Variants in MCTP2 observed in about 807,000 individuals in gnomAD.
The protein encoded by MCTP2 is multiple C2 and transmembrane domain containing 2, also known as multiple C2 and transmembrane domain-containing protein 2.
A neutral mutation model predicts 111.6 loss-of-function variants in MCTP2; 132 were observed. The observed-to-expected ratio is 1.18, with a 90% CI of 1.03 to 1.37. The LOEUF (loss-of-function observed/expected upper bound fraction) is 1.37, where lower values mean the gene tolerates loss of function less well. Ranked by LOEUF, MCTP2 falls within the 40% of genes most tolerant of loss-of-function variation. The pLI is 0.00. For missense variants in MCTP2, 1,183 were observed against 1,067.9 expected (o/e 1.11, Z -1.50); for synonymous variants, 395 against 387.7 (o/e 1.02, Z -0.22).
intron 1 of MCTP2, among the ~76,000 whole-genome samples, chr15:94,255,470 G>A (rs981735447): frequency 5.7e-5 from 8 of 140,308 alleles, no homozygotes; most frequent in African/African-American, 1.9e-4. Flanking sequence ...TTTGACTTTC[G>A]TCATAGCACT....
chr15:94,312,697 C>A (rs2076201184), intron 2 of MCTP2, among the ~76,000 whole-genome samples: 1 of 152,096 alleles, frequency 6.6e-6, no homozygotes, highest in African/African-American at 2.4e-5. Context: ...AACCTTAGGG[C>A]CTCTTTGTCC....
intron 21 of MCTP2, among the ~76,000 whole-genome samples, chr15:94,472,490 G>A (rs1387669423): frequency 6.6e-6 from 1 of 152,162 alleles, no homozygotes; most frequent in Admixed American, 6.5e-5. Flanking sequence ...CTTGGCTTCT[G>A]ATCTTATCCT....
chr15:94,387,611 C>G (rs2080588225), intron 14 of MCTP2, among the ~76,000 whole-genome samples: 1 of 152,200 alleles, frequency 6.6e-6, no homozygotes, highest in Non-Finnish European at 1.5e-5. Flanking sequence ...CAAGTGTCCA[C>G]TTGGTGCCAG....
chr15:94,470,342 C>T lies in MCTP2; in HGVS notation c.2370C>T (p.Asn790=). ...SFGERIKNTF[N]WTVPFLSSLA... Reference sequence around the variant, plus strand: ...TGTGGTTTGTCTACAGCACATTTAACTGGACGGTCCCCTTCCTTTCATCTC... The same window carrying T: ...TGTGGTTTGTCTACAGCACATTTAATTGGACGGTCCCCTTCCTTTCATCTC... The change falls in exon 21 of 23, where the codon AAC becomes AAT. Residue 790 remains asparagine (N), a synonymous_variant. Transcript: ENST00000357742. The T allele has an allele frequency of 6.2e-7, 1 of 1,612,002 alleles. No homozygotes were observed. The highest frequency in any genetic ancestry group is 8.5e-7 in the Non-Finnish European group (1 of 1,178,102).
intron 1 of MCTP2, among the ~76,000 whole-genome samples, chr15:94,245,339 G>A (rs913013743): frequency 2.2e-5 from 3 of 133,704 alleles, no homozygotes; most frequent in African/African-American, 8.1e-5. Context: ...CATATGTGTA[G>A]ATATTTACAT....
Position 94,345,825 on chromosome 15 carries a change from A to G in MCTP2, c.1005+661A>G, listed in dbSNP as rs563721374. Among the ~76,000 whole-genome samples, 7 of 152,362 alleles carry G rather than the reference A, an allele frequency of 4.6e-5. No homozygotes were observed. The South Asian group carries it at 6.2e-4, about 14-fold the overall frequency. Reference sequence around the variant, plus strand: ...AAAGTATTTGTAACTTAATTTATAAATTAAGGAGAAATTATACTTTGTAAG... The same window carrying G: ...AAAGTATTTGTAACTTAATTTATAAGTTAAGGAGAAATTATACTTTGTAAG... On this transcript the variant is annotated intron_variant, in intron 8 of 22. Transcript: ENST00000357742.
rs566058503 is a variant in MCTP2 at position 94,415,775 on chromosome 15, T to G, written c.2085+13756T>G. On this transcript the variant is annotated intron_variant, in intron 17 of 22. Transcript: ENST00000357742. The stretch of plus-strand genomic sequence containing the variant: ...ACTTCAAATGATACACAGACACATT[T>G]GAAAAAAGATCTCCTCTCTGCATTG... Among the ~76,000 whole-genome samples the G allele has an allele frequency of 3.3e-5, 5 of 152,184 alleles. No homozygotes were observed. In the South Asian group the frequency reaches 1.0e-3, roughly 32 times the overall value.
intron 16 of MCTP2, among the ~76,000 whole-genome samples, chr15:94,400,906 A>T (rs2081553561): frequency 6.6e-6 from 1 of 152,154 alleles, no homozygotes; most frequent in African/African-American, 2.4e-5. Context: ...CAAATATTTC[A>T]TTTTGGTCTG....
At chr15:94,257,563 T>TTTGTTGTTG (rs1303012071) in intron 1 of MCTP2, among the ~76,000 whole-genome samples, 9 of 71,912 alleles carry the variant, frequency 1.3e-4, no homozygotes, top group African/African-American at 4.9e-4. Context: ...TGTCATTTTC[T>TTTGTTGTTG]TTGTTGTTTT....
intron 1 of MCTP2, chr15:94,292,798 T>G (rs911980697): frequency 2.0e-5 from 3 of 152,174 alleles, no homozygotes; most frequent in African/African-American, 7.2e-5. Flanking sequence ...CTGGAATAGC[T>G]AAACAAATTT....
chr15:94,430,577 C>CAAAAA (rs11289166), intron 17 of MCTP2, among the ~76,000 whole-genome samples: 25 of 96,662 alleles, frequency 2.6e-4, no homozygotes, highest in African/African-American at 1.0e-3. Context: ...ACTAAAAATA[C>CAAAAA]AAAAAAAAAA....
At chr15:94,258,607 TA>T (rs1377409885) in intron 1 of MCTP2, among the ~76,000 whole-genome samples, 1 of 152,214 alleles carries the variant, frequency 6.6e-6, no homozygotes, top group Non-Finnish European at 1.5e-5. Context: ...CAATGGTAGT[TA>T]CCGAAAACCC....
chr15:94,350,745 A>G (rs2078258008), intron 8 of MCTP2, among the ~76,000 whole-genome samples: 1 of 152,256 alleles, frequency 6.6e-6, no homozygotes, highest in African/African-American at 2.4e-5. Context: ...GGATTATACA[A>G]GTAAATCAAG....
chr15:94,338,768 C>G (rs1350109677), intron 4 of MCTP2, among the ~76,000 whole-genome samples: 1 of 152,160 alleles, frequency 6.6e-6, no homozygotes, highest in Non-Finnish European at 1.5e-5. Flanking sequence ...GCAACTTTGT[C>G]AATTTAATCT....
intron 10 of MCTP2, among the ~76,000 whole-genome samples, chr15:94,363,287 G>C (rs2079031944): frequency 6.6e-6 from 1 of 152,142 alleles, no homozygotes; most frequent in Non-Finnish European, 1.5e-5. Context: ...CTTGGGCACT[G>C]ATGAGCCTCG....
intron 4 of MCTP2, among the ~76,000 whole-genome samples, chr15:94,333,783 A>ATTGGTAGGT (rs2077233088): frequency 6.6e-6 from 1 of 152,190 alleles, no homozygotes; most frequent in Admixed American, 6.5e-5. Context: ...CAATGAATAC[A>ATTGGTAGGT]ACAGTAGGTA....
chr15:94,467,199 A>C (rs2073423916), intron 20 of MCTP2, among the ~76,000 whole-genome samples: 1 of 152,214 alleles, frequency 6.6e-6, no homozygotes, highest in Admixed American at 6.5e-5. Context: ...CCATAGAGCT[A>C]ACAAAAGTTG....
intron 2 of MCTP2, among the ~76,000 whole-genome samples, chr15:94,303,062 A>ATATATATATATATAGTT (rs1555448626): frequency 0.019 from 418 of 21,484 alleles, 5 homozygotes; most frequent in African/African-American, 0.026. Context: ...AACTAATGGA[A>ATATATATATATATAGTT]TATATATATA....
At position 94,358,620 on chromosome 15, in the gene MCTP2, C is replaced by T; in HGVS notation, c.1301+8C>T. 1.2e-6 allele frequency: 2 copies of T among 1,612,756 alleles called. No homozygotes were observed. Among genetic ancestry groups the T allele is most frequent in the Non-Finnish European group, 1.7e-6 (2 of 1,179,362 alleles). ...TGAGGAACGTCTGGGCACGTGAGTC[C>T]CCTCTGCTTTCCAGTGGCGGGAGCA... On this transcript the variant is annotated splice_region_variant and intron_variant, in intron 10 of 22. Coordinates refer to ENST00000357742, the MANE Select transcript of MCTP2 (RefSeq NM_001385001.1).
Sources: gnomAD v4.1 joint callset for allele counts (sites outside exome capture counted in the v4.1 genomes callset) on GRCh38, gnomAD v4.1.1 for gene constraint, MANE v1.5 for transcripts, NCBI Gene and HGNC (gene_info 2026-07-23, HGNC 2026-07-21) for gene names.